DGKB: variants seen among roughly 807,000 people sequenced by gnomAD.
The protein encoded by DGKB is 90 kDa diacylglycerol kinase.
Under a neutral mutation model 114.3 loss-of-function variants are expected in DGKB, and 67 were observed. That is an observed-to-expected ratio of 0.59 (90% confidence interval 0.48 to 0.72). The LOEUF (loss-of-function observed/expected upper bound fraction) is 0.72. DGKB is among the 30% of genes least tolerant of loss of function. The pLI is 0.00. For synonymous variants in DGKB, 398 were observed against 323.1 expected, an observed-to-expected ratio of 1.23 and a Z score of -2.49; for missense variants, 907 against 975.2, an observed-to-expected ratio of 0.93 and a Z score of 0.93.
chr7:14,432,397 C>T (rs1828585407), intron 21 of DGKB, among the ~76,000 whole-genome samples: 1 of 152,186 alleles, frequency 6.6e-6, no homozygotes, highest in East Asian at 1.9e-4. Context: ...GCTGTAAACA[C>T]CATCCATGTC....
intron 2 of DGKB, among the ~76,000 whole-genome samples, chr7:14,791,366 A>C (rs1840640345): frequency 6.6e-6 from 1 of 152,158 alleles, no homozygotes; most frequent in Non-Finnish European, 1.5e-5. Flanking sequence ...ATCTGTAAAC[A>C]GTGGTAGTTT....
At chr7:14,573,265 C>G (rs1249731680) in intron 20 of DGKB, among the ~76,000 whole-genome samples, 1 of 151,962 alleles carries the variant, frequency 6.6e-6, no homozygotes, top group African/African-American at 2.4e-5. Flanking sequence ...TCATCATGTA[C>G]CACTCTATGA....
At chr7:14,637,048 G>T (rs962591616) in intron 13 of DGKB, among the ~76,000 whole-genome samples, 4 of 151,910 alleles carry the variant, frequency 2.6e-5, no homozygotes, top group Non-Finnish European at 4.4e-5. Context: ...GATACATAGC[G>T]CACAAGAAGC....
intron 21 of DGKB, among the ~76,000 whole-genome samples, chr7:14,381,499 A>C (rs892947058): frequency 5.9e-5 from 9 of 152,220 alleles, no homozygotes; most frequent in African/African-American, 2.2e-4. Context: ...TGAGTAAATG[A>C]CATTACAGGA....
At chr7:14,605,946 G>C (rs1804423610) in intron 17 of DGKB, among the ~76,000 whole-genome samples, 1 of 152,090 alleles carries the variant, frequency 6.6e-6, no homozygotes, top group Non-Finnish European at 1.5e-5. Flanking sequence ...AGATAATGAA[G>C]CCACACAGAG....
intron 23 of DGKB, among the ~76,000 whole-genome samples, chr7:14,211,534 TTACTCTCATGTTTTGTGA>T (rs1477670753): frequency 2.6e-3 from 55 of 20,908 alleles, no homozygotes; most frequent in East Asian, 6.8e-3. Context: ...TTTTGTGATT[TTACTCTCATGTTTTGTGA>T]TATTTACTCT....
intron 13 of DGKB, among the ~76,000 whole-genome samples, chr7:14,648,328 T>TCCCTGAC (rs1164626816): frequency 1.3e-5 from 2 of 152,066 alleles, no homozygotes; most frequent in Non-Finnish European, 1.5e-5. Flanking sequence ...CTCAAGTGGG[T>TCCCTGAC]CCCTGACCCC....
intron 20 of DGKB, among the ~76,000 whole-genome samples, chr7:14,559,269 A>G (rs1796306932): frequency 6.6e-6 from 1 of 152,228 alleles, no homozygotes; most frequent in African/African-American, 2.4e-5. Context: ...TCAATTACAT[A>G]TACCAAGTTT....
intron 25 of DGKB, among the ~76,000 whole-genome samples, chr7:14,150,058 G>A (rs1781958963): frequency 6.6e-6 from 1 of 152,000 alleles, no homozygotes; most frequent in Admixed American, 6.6e-5. Context: ...TATCAAAGTG[G>A]CATTTTGTCT....
chr7:14,685,172 A>C, intron 10 of DGKB, 73 bp downstream of exon 10: 1 of 972,250 alleles, frequency 1.0e-6, no homozygotes, highest in Non-Finnish European at 1.6e-6. Flanking sequence ...TCCATTTACA[A>C]ATAAGACTAT....
At chr7:14,971,395 T>C (rs1302082085) in intron 1 of DGKB, among the ~76,000 whole-genome samples, 1 of 152,270 alleles carries the variant, frequency 6.6e-6, no homozygotes, top group African/African-American at 2.4e-5. Flanking sequence ...TGAATAATAT[T>C]AACAAAAAGC....
At chr7:14,518,786 T>A (rs919272694) in intron 20 of DGKB, among the ~76,000 whole-genome samples, 1 of 152,074 alleles carries the variant, frequency 6.6e-6, no homozygotes, top group African/African-American at 2.4e-5. Context: ...AGAATTCTAT[T>A]ACTATAGGAA....
At chr7:14,904,219 T>TACACAC (rs10624589), upstream of DGKB, among the ~76,000 whole-genome samples, 209 of 150,850 alleles carry the variant, frequency 1.4e-3, 1 homozygote, top group African/African-American at 4.8e-3. Flanking sequence ...CCCTCCTAAA[T>TACACAC]ACACACACAC....
chr7:14,966,483 T>A (rs1787158556), intron 1 of DGKB, among the ~76,000 whole-genome samples: 1 of 152,040 alleles, frequency 6.6e-6, no homozygotes, highest in Admixed American at 6.6e-5. Context: ...TATTTTTTAA[T>A]AGAGACAGGG....
rs141016806 is a variant in DGKB, at chr7:14,235,710, C to T, written c.2123-57559G>A. Among the ~76,000 whole-genome samples, 684 of 152,108 alleles carry T rather than the reference C, an allele frequency of 4.5e-3. 10 individuals carry two copies. Among genetic ancestry groups the T allele is most frequent in the Admixed American group, 0.021 (324 of 15,258 alleles). ...TGGAAAATGGCAACTTTTCCCAATACCCTTAATTGTTTTTCTTTCTTGAAT... is the reference window on the plus strand; with the variant it reads ...TGGAAAATGGCAACTTTTCCCAATATCCTTAATTGTTTTTCTTTCTTGAAT... On this transcript the variant is annotated intron_variant, in intron 23 of 25. Transcript: ENST00000402815.
chr7:14,304,252 AT>A (rs1326855847), intron 23 of DGKB, among the ~76,000 whole-genome samples: 1 of 151,592 alleles, frequency 6.6e-6, no homozygotes, highest in Non-Finnish European at 1.5e-5. Flanking sequence ...TTTATTTTTT[AT>A]TTTTTTTGAG....
chr7:14,213,318 A>G (rs1788439763), intron 23 of DGKB, among the ~76,000 whole-genome samples: 1 of 152,092 alleles, frequency 6.6e-6, no homozygotes, highest in South Asian at 2.1e-4. Context: ...ATATTCAAGC[A>G]TGGCTCCTTA....
chr7:14,557,525 G>C (rs1685010700), intron 20 of DGKB, among the ~76,000 whole-genome samples: 1 of 151,332 alleles, frequency 6.6e-6, no homozygotes, highest in African/African-American at 2.4e-5. Context: ...CTTTCTATTT[G>C]TCTTGTAGCT....
At position 14,665,168 on chromosome 7, in the gene DGKB, A is replaced by G. The variant is rs577698789; in HGVS notation, c.1134+7761T>C. Reference sequence around the variant, plus strand: ...TATTGATATGAAAAAAAGGCTAGGTAATTAACCCCTTTGTTAGAGAATTAA... The same window carrying G: ...TATTGATATGAAAAAAAGGCTAGGTGATTAACCCCTTTGTTAGAGAATTAA... On this transcript the variant is annotated intron_variant, in intron 13 of 25. Coordinates refer to ENST00000402815, the MANE Select transcript of DGKB (RefSeq NM_001350709.2). Among the ~76,000 whole-genome samples, 5 of 152,140 alleles carry G rather than the reference A, an allele frequency of 3.3e-5. No individual in the cohort carries two copies. In the South Asian group the frequency reaches 1.0e-3, roughly 32 times the overall value.
Sources: gnomAD v4.1 joint callset for allele counts (sites outside exome capture counted in the v4.1 genomes callset) on GRCh38, gnomAD v4.1.1 for gene constraint, MANE v1.5 for transcripts, NCBI Gene and HGNC (gene_info 2026-07-23, HGNC 2026-07-21) for gene names.